Variants in PDZRN4 observed in about 807,000 individuals in gnomAD.
PDZRN4 encodes the protein PDZ domain-containing RING finger protein 4.
Under a neutral mutation model 99.0 loss-of-function variants are expected in PDZRN4, and 70 were observed. The ratio of observed to expected loss-of-function variants is 0.71; its 90% confidence interval spans 0.58 to 0.86. The LOEUF is 0.86. Among genes scored for constraint, PDZRN4 ranks in the 40% least tolerant of loss-of-function variants. PDZRN4 has a pLI of 0.00. For synonymous variants in PDZRN4, 551 were observed against 501.6 expected, an observed-to-expected ratio of 1.10 and a Z score of -1.32; for missense variants, 1,474 against 1,331.2, an observed-to-expected ratio of 1.11 and a Z score of -1.67.
chr12:41,413,569 C>A (rs140071478), intron 3 of PDZRN4, among the ~76,000 whole-genome samples: 1 of 152,062 alleles, frequency 6.6e-6, no homozygotes, highest in Non-Finnish European at 1.5e-5. Context: ...GACGGACGTG[C>A]TAATTATCCT....
At chr12:41,357,209 G>A (rs1029696518) in intron 3 of PDZRN4, among the ~76,000 whole-genome samples, 1 of 150,992 alleles carries the variant, frequency 6.6e-6, no homozygotes, top group African/African-American at 2.4e-5. Flanking sequence ...ACAAAAACAC[G>A]AACACACACA....
chr12:41,336,725 T>G (rs1592017566), intron 3 of PDZRN4, among the ~76,000 whole-genome samples: 1 of 152,020 alleles, frequency 6.6e-6, no homozygotes, highest in Non-Finnish European at 1.5e-5. Context: ...ATTTGGTGGG[T>G]TGGGGCTTGG....
chr12:41,505,215 T>C (rs1938184645), intron 3 of PDZRN4, among the ~76,000 whole-genome samples: 1 of 152,112 alleles, frequency 6.6e-6, no homozygotes, highest in Non-Finnish European at 1.5e-5. Flanking sequence ...CTCTAAGGGT[T>C]TGCTGGTGCG....
chr12:41,381,034 T>C (rs905890368), intron 3 of PDZRN4, among the ~76,000 whole-genome samples: 2 of 152,132 alleles, frequency 1.3e-5, no homozygotes, highest in Non-Finnish European at 2.9e-5. Flanking sequence ...TTCAATATTT[T>C]AAACATATCA....
intron 3 of PDZRN4, among the ~76,000 whole-genome samples, chr12:41,374,673 CT>C (rs1253515254): frequency 6.6e-6 from 1 of 152,178 alleles, no homozygotes; most frequent in Non-Finnish European, 1.5e-5. Context: ...AAATTGAAGG[CT>C]GCCTCTGAGG....
intron 3 of PDZRN4, among the ~76,000 whole-genome samples, chr12:41,432,906 G>A (rs75431164): frequency 3.3e-5 from 5 of 152,218 alleles, no homozygotes; most frequent in African/African-American, 4.8e-5. Context: ...AAAAAGAATC[G>A]TGTATTCAAA....
intron 5 of PDZRN4, among the ~76,000 whole-genome samples, chr12:41,521,441 C>T (rs1938491568): frequency 6.6e-6 from 1 of 151,916 alleles, no homozygotes; most frequent in Non-Finnish European, 1.5e-5. Context: ...GAATAGAGTT[C>T]TTTAGTAATC....
intron 3 of PDZRN4, among the ~76,000 whole-genome samples, chr12:41,327,301 T>A (rs552872792): frequency 6.6e-6 from 1 of 152,330 alleles, no homozygotes; most frequent in South Asian, 2.1e-4. Context: ...TAGGGGACTT[T>A]CCTTTTGCAG....
intron 4 of PDZRN4, among the ~76,000 whole-genome samples, chr12:41,509,382 G>A (rs1396054491): frequency 6.6e-6 from 1 of 152,120 alleles, no homozygotes; most frequent in Non-Finnish European, 1.5e-5. Context: ...TCAAAAAATA[G>A]TTTGCAGCTG....
chr12:41,464,747 T>C (rs748734390), intron 3 of PDZRN4, among the ~76,000 whole-genome samples: 1 of 151,866 alleles, frequency 6.6e-6, no homozygotes, highest in Non-Finnish European at 1.5e-5. Context: ...ATGTGACAAC[T>C]AGAGCCTGTT....
chr12:41,478,110 A>G (rs959110546), intron 3 of PDZRN4, among the ~76,000 whole-genome samples: 1 of 151,914 alleles, frequency 6.6e-6, no homozygotes, highest in Non-Finnish European at 1.5e-5. Context: ...AATACATTAA[A>G]TTTTTTTGTT....
At chr12:41,383,212 T>C (rs968090364) in intron 3 of PDZRN4, among the ~76,000 whole-genome samples, 12 of 152,164 alleles carry the variant, frequency 7.9e-5, no homozygotes, top group African/African-American at 2.9e-4. Context: ...TAATTTGGAA[T>C]TTTGGAGCAC....
chr12:41,377,739 T>A (rs1043013109), intron 3 of PDZRN4, among the ~76,000 whole-genome samples: 1 of 152,190 alleles, frequency 6.6e-6, no homozygotes, highest in African/African-American at 2.4e-5. Flanking sequence ...GTATTATAGA[T>A]TTGAGTCTAT....
At chr12:41,544,080 CATT>C (rs1938907741) in intron 5 of PDZRN4, among the ~76,000 whole-genome samples, 2 of 152,144 alleles carry the variant, frequency 1.3e-5, no homozygotes, top group South Asian at 4.1e-4. Context: ...TTAAATGAAA[CATT>C]ATTCACAAAT....
intron 3 of PDZRN4, among the ~76,000 whole-genome samples, chr12:41,333,206 C>G (rs183599663): frequency 6.6e-6 from 1 of 152,066 alleles, no homozygotes; most frequent in Non-Finnish European, 1.5e-5. Flanking sequence ...ATTTTGGTAG[C>G]AATGAGCTAA....
intron 3 of PDZRN4, among the ~76,000 whole-genome samples, chr12:41,322,154 C>T (rs1348914763): frequency 6.6e-6 from 1 of 152,082 alleles, no homozygotes; most frequent in Non-Finnish European, 1.5e-5. Context: ...ACCTCAGCCT[C>T]CCAAGTAGCT....
At chr12:41,191,638 T>C (rs2120633163) in intron 2 of PDZRN4, 94 bp downstream of exon 2, 2 of 594,038 alleles carry the variant, frequency 3.4e-6, no homozygotes, top group South Asian at 2.4e-5. Context: ...GACTTAGCTT[T>C]TGTTTGTGGA....
chr12:41,309,661 T>G (rs1951593713), intron 3 of PDZRN4, among the ~76,000 whole-genome samples: 1 of 152,066 alleles, frequency 6.6e-6, no homozygotes, highest in African/African-American at 2.4e-5. Flanking sequence ...AGTTAATGGC[T>G]GTAATATGTA....
At chr12:41,400,469 T>C (rs1483983690) in intron 3 of PDZRN4, among the ~76,000 whole-genome samples, 1 of 152,194 alleles carries the variant, frequency 6.6e-6, no homozygotes, top group Non-Finnish European at 1.5e-5. Context: ...CAAGGGTGCA[T>C]TTTGGGCAGA....
Sources: allele counts gnomAD v4.1 joint callset (sites outside exome capture counted in the v4.1 genomes callset), GRCh38; gene constraint gnomAD v4.1.1; transcripts MANE v1.5; gene names NCBI Gene and HGNC (gene_info 2026-07-23, HGNC 2026-07-21).